The following SPATS2 variants were observed in gnomAD, a reference collection of about 807,000 sequenced individuals.
SPATS2 encodes spermatogenesis associated serine rich 2.
A neutral mutation model predicts 63.7 loss-of-function variants in SPATS2; 38 were observed. The ratio of observed to expected loss-of-function variants is 0.60; its 90% CI spans 0.46 to 0.78. The LOEUF (loss-of-function observed/expected upper bound fraction) is 0.78. Among genes scored for constraint, SPATS2 ranks in the 30% least tolerant of loss-of-function variants. The pLI is 0.00. For missense variants in SPATS2, 588 were observed against 666.2 expected (o/e 0.88, Z 1.29); for synonymous variants, 207 against 232.9 (o/e 0.89, Z 1.01).
At chr12:49,373,374 T>A (rs1944035815) in intron 2 of SPATS2, among the ~76,000 whole-genome samples, 1 of 152,218 alleles carries the variant, frequency 6.6e-6, no homozygotes, top group East Asian at 1.9e-4. Context: ...CATATGCCAT[T>A]TTCTGGGGGC....
Position 49,526,543 on chromosome 12 carries a change from C to A in SPATS2, c.*288C>A. 2.4e-6 allele frequency: 1 copy of A among 410,740 alleles called. No homozygotes were observed. Among genetic ancestry groups the A allele is most frequent in the Non-Finnish European group, 4.4e-6 (1 of 227,378 alleles). 25.4% of individuals were successfully genotyped at this position (410,740 alleles called of 1,614,324 possible). On this transcript the variant is annotated 3_prime_UTR_variant, in exon 14 of 14. Transcript: ENST00000552918. ...ACCAGGTTTCGGCCTTCCAGTTGAT[C>A]CCTCCACTGTCCAGGCTGTCTCAGG... is the stretch of plus-strand genomic sequence containing the variant.
chr12:49,474,791 GT>G (rs935849622), intron 3 of SPATS2, among the ~76,000 whole-genome samples: 12 of 152,060 alleles, frequency 7.9e-5, no homozygotes, highest in Non-Finnish European at 1.3e-4. Context: ...GTATTAGTCT[GT>G]TTTTTTGCTG....
chr12:49,448,238 C>T (rs1945551059), intron 2 of SPATS2, among the ~76,000 whole-genome samples: 1 of 150,438 alleles, frequency 6.6e-6, no homozygotes, highest in African/African-American at 2.4e-5. Flanking sequence ...CCTGGGTTCA[C>T]ACCATTCTCC....
intron 9 of SPATS2, among the ~76,000 whole-genome samples, chr12:49,504,540 G>A (rs1487954013): frequency 1.3e-5 from 2 of 152,040 alleles, no homozygotes; most frequent in Admixed American, 6.6e-5. Context: ...ATGCCAACAG[G>A]ATACACACTC....
intron 6 of SPATS2, among the ~76,000 whole-genome samples, chr12:49,493,199 A>G (rs577569107): frequency 6.6e-6 from 1 of 152,252 alleles, no homozygotes; most frequent in Non-Finnish European, 1.5e-5. Context: ...GGTCACAGAA[A>G]GGACTTGGGG....
At chr12:49,514,668 A>G in intron 10 of SPATS2, 55 bp downstream of exon 10, 2 of 1,515,296 alleles carry the variant, frequency 1.3e-6, no homozygotes, top group Non-Finnish European at 1.8e-6. Context: ...GTAGGTACCT[A>G]CTTCCCAACC....
chr12:49,394,709 T>G (rs1207866122), intron 2 of SPATS2, among the ~76,000 whole-genome samples: 1 of 152,156 alleles, frequency 6.6e-6, no homozygotes, highest in Non-Finnish European at 1.5e-5. Flanking sequence ...GTTGCTAAAC[T>G]CATTTATTAT....
chr12:49,373,597 G>T (rs1220490335), intron 2 of SPATS2, among the ~76,000 whole-genome samples: 1 of 133,838 alleles, frequency 7.5e-6, no homozygotes, highest in East Asian at 1.9e-4. Flanking sequence ...TTTGAGACCA[G>T]CTTGGGCAAC....
intron 9 of SPATS2, among the ~76,000 whole-genome samples, chr12:49,509,798 C>G (rs949581953): frequency 8.3e-6 from 1 of 119,894 alleles, no homozygotes. Context: ...GCCTGGGCAA[C>G]AGAGCAAGTC....
chr12:49,370,519 A>G (rs1449219052), intron 1 of SPATS2, among the ~76,000 whole-genome samples: 1 of 152,216 alleles, frequency 6.6e-6, no homozygotes, highest in African/African-American at 2.4e-5. Context: ...GCAACATGAA[A>G]ATAGCATGTC....
chr12:49,502,952 A>C (rs1946589424), intron 9 of SPATS2, among the ~76,000 whole-genome samples: 1 of 152,146 alleles, frequency 6.6e-6, no homozygotes, highest in Non-Finnish European at 1.5e-5. Flanking sequence ...TAACTTCTGG[A>C]AATTATTTTA....
At chr12:49,403,995 CT>C (rs961638884) in intron 2 of SPATS2, among the ~76,000 whole-genome samples, 35 of 152,324 alleles carry the variant, frequency 2.3e-4, no homozygotes, top group Admixed American at 6.5e-4. Context: ...TGAGACTTGA[CT>C]TTTGCTAGAT....
chr12:49,428,283 A>C (rs1279962644), intron 2 of SPATS2, among the ~76,000 whole-genome samples: 1 of 152,090 alleles, frequency 6.6e-6, no homozygotes, highest in African/African-American at 2.4e-5. Flanking sequence ...CAAAAAAAAA[A>C]AACAAAAATT....
At chr12:49,453,217 T>C (rs1945657006) in intron 2 of SPATS2, among the ~76,000 whole-genome samples, 1 of 151,606 alleles carries the variant, frequency 6.6e-6, no homozygotes, top group South Asian at 2.1e-4. Flanking sequence ...CATTTGGGCC[T>C]ACTCGGGGGC....
At chr12:49,397,373 A>C (rs1406446546) in intron 2 of SPATS2, among the ~76,000 whole-genome samples, 1 of 152,122 alleles carries the variant, frequency 6.6e-6, no homozygotes, top group Admixed American at 6.6e-5. Context: ...GTGCTTATAC[A>C]AGTAGATATT....
At chr12:49,439,987 A>G (rs1455326262) in intron 2 of SPATS2, among the ~76,000 whole-genome samples, 1 of 152,196 alleles carries the variant, frequency 6.6e-6, no homozygotes, top group African/African-American at 2.4e-5. Flanking sequence ...TTATGCAGCA[A>G]TAGGTTTTTA....
chr12:49,418,309 A>AT (rs1944925846), intron 2 of SPATS2, among the ~76,000 whole-genome samples: 1 of 151,232 alleles, frequency 6.6e-6, no homozygotes, highest in Non-Finnish European at 1.5e-5. Context: ...ATTTAATTTT[A>AT]TTTTTTTGAG....
At chr12:49,430,296 T>TA (rs1019058756) in intron 2 of SPATS2, among the ~76,000 whole-genome samples, 51 of 151,458 alleles carry the variant, frequency 3.4e-4, no homozygotes, top group African/African-American at 1.2e-3. Context: ...GAGATGGTGT[T>TA]TCACTATGTT....
intron 2 of SPATS2, among the ~76,000 whole-genome samples, chr12:49,448,897 C>T (rs79194206): frequency 0.092 from 13,946 of 152,158 alleles, 755 homozygotes; most frequent in African/African-American, 0.14. Flanking sequence ...CAAGCTTTCT[C>T]TATAAAGGGC....
Sources: allele counts gnomAD v4.1 joint callset (sites outside exome capture counted in the v4.1 genomes callset), GRCh38; gene constraint gnomAD v4.1.1; transcripts MANE v1.5; gene names NCBI Gene and HGNC (gene_info 2026-07-23, HGNC 2026-07-21).